SLC46A2: variants seen among roughly 807,000 people sequenced by gnomAD.
The protein encoded by SLC46A2 is thymic stromal co-transporter.
SLC46A2 carries 25 observed loss-of-function variants against 33.1 expected under a neutral mutation model. The observed-to-expected ratio is 0.76, with a 90% confidence interval of 0.55 to 1.06. The LOEUF is 1.06. Among genes scored for constraint, SLC46A2 ranks in the 50% least tolerant of loss-of-function variants. SLC46A2 has a pLI of 0.00. For synonymous variants in SLC46A2, 254 were observed against 275.9 expected, an observed-to-expected ratio of 0.92 and a Z score of 0.79; for missense variants, 622 against 621.7, an observed-to-expected ratio of 1.00 and a Z score of 0.00.
Position 112,879,703 on chromosome 9 carries a change from T to G in SLC46A2, c.*59A>C. 6.5e-7 allele frequency: 1 copy of G among 1,527,648 alleles called. No individual in the cohort carries two copies. The highest frequency in any genetic ancestry group is 2.3e-5 in the East Asian group (1 of 44,160). The allele number at this position is 1,527,648 out of a possible 1,614,324, so 94.6% of individuals were successfully genotyped here. ...AGGTCACCAGTTCCCTGGTCCCTTC[T>G]TTTGTCTTCTGGGGGCCTGGCCATG... On this transcript the variant is annotated 3_prime_UTR_variant, in exon 4 of 4. Transcript: ENST00000374228.
Position 112,889,798 on chromosome 9 carries a change from A to G in SLC46A2, c.884T>C (p.Leu295Pro), listed in dbSNP as rs747405802. The G allele has an allele frequency of 1.2e-6, 2 of 1,614,158 alleles. No homozygotes were observed. The highest frequency in any genetic ancestry group is 1.7e-6 in the Non-Finnish European group (2 of 1,180,020). Reference protein sequence around the residue: ...LLFVGAIIYDLAVVGTVDVIP... With the variant: ...LLFVGAIIYDPAVVGTVDVIP... ...CACGTCCACTGTGCCCACCACCGCC[A>G]GGTCATATATGATAGCACCCACAAA... Residue 295 changes from leucine (L) to proline (P), a missense_variant, in exon 1 of 4, where the codon CTG (leucine) becomes CCG (proline). Transcript: ENST00000374228.
chr9:112,888,974 G>T (rs550788522), intron 1 of SLC46A2, among the ~76,000 whole-genome samples: 1 of 149,692 alleles, frequency 6.7e-6, no homozygotes, highest in Non-Finnish European at 1.5e-5. Context: ...CACTACAACC[G>T]CTGCCTCTTG....
At chr9:112,887,189 G>A in intron 2 of SLC46A2, 141 bp downstream of exon 2, 1 of 719,572 alleles carries the variant, frequency 1.4e-6, no homozygotes, top group Non-Finnish European at 2.3e-6. Flanking sequence ...TCTGTGCCCT[G>A]GATGGAAACC....
intron 3 of SLC46A2, chr9:112,880,176 C>T: frequency 6.0e-6 from 1 of 166,518 alleles, no homozygotes; most frequent in Non-Finnish European, 1.3e-5. Context: ...ACTAAAAATA[C>T]AAAAATTAGC....
Position 112,889,563 on chromosome 9 carries a change from CAT to C in SLC46A2, c.1117_1118del (p.Met373ValfsTer84), listed in dbSNP as rs1564306525. 1 of 1,611,260 alleles carries C rather than the reference CAT, an allele frequency of 6.2e-7. No homozygotes were observed. Among genetic ancestry groups the C allele is most frequent in the South Asian group, 1.1e-5 (1 of 90,682 alleles). On this transcript the variant is annotated frameshift_variant, in exon 1 of 4. Transcript: ENST00000374228. LOFTEE classifies it high-confidence loss of function. Reference sequence around the variant, plus strand: ...GAATGACAGACTCACCAATATAGAACATGTATGTCTCTTTCACAAAAGCCAAG... The same window carrying C: ...GAATGACAGACTCACCAATATAGAACGTATGTCTCTTTCACAAAAGCCAAG... ...LLLAFVKETYMFYIARAVMLF... is the reference protein window; with the variant it reads ...LLLAFVKETYXFYIARAVMLF...
At chr9:112,879,901 A>C in intron 3 of SLC46A2, 82 bp from the exon 4 acceptor site, 1 of 1,350,096 alleles carries the variant, frequency 7.4e-7, no homozygotes, top group Non-Finnish European at 1.1e-6. Context: ...GGTTAATGAT[A>C]ATTACAAGCC....
intron 3 of SLC46A2, among the ~76,000 whole-genome samples, chr9:112,883,552 C>T (rs922861204): frequency 1.3e-5 from 2 of 151,688 alleles, no homozygotes; most frequent in African/African-American, 4.8e-5. Context: ...TAGTGCCTGG[C>T]ACATAGGGCT....
At chr9:112,885,161 A>G (rs537954873) in intron 3 of SLC46A2, 1 of 152,288 alleles carries the variant, frequency 6.6e-6, no homozygotes, top group East Asian at 1.9e-4. Flanking sequence ...CAATTATGAA[A>G]TAATGCAAAG....
chr9:112,882,774 TAGC>T (rs1231606220), intron 3 of SLC46A2, among the ~76,000 whole-genome samples: 1 of 152,124 alleles, frequency 6.6e-6, no homozygotes, highest in East Asian at 1.9e-4. Context: ...ACAGGAGTGT[TAGC>T]AGGCTTAGGA....
chr9:112,885,184 T>G (rs1004117607), intron 3 of SLC46A2: 6 of 152,174 alleles, frequency 3.9e-5, no homozygotes, highest in Non-Finnish European at 5.9e-5. Context: ...CCCTAATGAT[T>G]GACGGCTCTT....
intron 3 of SLC46A2, among the ~76,000 whole-genome samples, chr9:112,881,231 G>A (rs1377416981): frequency 6.6e-6 from 1 of 152,168 alleles, no homozygotes; most frequent in Non-Finnish European, 1.5e-5. Flanking sequence ...AGAATCCTCA[G>A]GTTCTAAGCT....
Position 112,890,514 on chromosome 9 carries a change from G to A in SLC46A2, c.168C>T (p.His56=), listed in dbSNP as rs1288139145. ...ASYGTGGSSN[H]SASPSPRGAL... ...CCCCCCGGGGCGATGGGCTGGCACT[G>A]TGGTTGGAGGAGCCTCCGGTTCCGT... The change falls in exon 1 of 4, where the codon CAC becomes CAT. Residue 56 remains histidine, a synonymous_variant. Transcript: ENST00000374228. The surrounding 1 kb of genome is among the most constrained non-coding windows in gnomAD (Gnocchi z 6.0). 4 of 1,614,012 alleles carry A rather than the reference G, an allele frequency of 2.5e-6. No homozygotes were observed. Among genetic ancestry groups the A allele is most frequent in the African/African-American group, 1.3e-5 (1 of 74,918 alleles).
chr9:112,886,404 C>T, intron 3 of SLC46A2, 56 bp downstream of exon 3: 1 of 1,588,884 alleles, frequency 6.3e-7, no homozygotes, highest in South Asian at 1.1e-5. Flanking sequence ...GTCCAACATT[C>T]CTTGACCTAA....
At chr9:112,884,513 A>G (rs901191140) in intron 3 of SLC46A2, among the ~76,000 whole-genome samples, 6 of 152,210 alleles carry the variant, frequency 3.9e-5, no homozygotes, top group Non-Finnish European at 7.3e-5. Flanking sequence ...GAGATTCTCA[A>G]TCTTGGTTGT....
rs755827609 is a variant in SLC46A2 at position 112,886,717 on chromosome 9, A to ACTCT, written c.1214-105_1214-102dup. On this transcript the variant is annotated intron_variant, in intron 2 of 3. Transcript: ENST00000374228. ...AGTTCTTAGGGGACCCTTCCTTCTT[A>ACTCT]CTCTCTCTCTCTCTCTCTTTTTTTA... The ACTCT allele has an allele frequency of 1.3e-3, 1,478 of 1,128,348 alleles. 2 individuals carry two copies. The highest frequency in any genetic ancestry group is 1.7e-3 in the Non-Finnish European group (1,320 of 795,916). 69.9% of individuals were successfully genotyped at this position (1,128,348 alleles called of 1,614,324 possible). A position where few individuals can be genotyped will look rare whatever the true frequency, so the allele number is the denominator to read the frequency against.
intron 3 of SLC46A2, chr9:112,881,648 C>T (rs1041723996): frequency 6.6e-6 from 1 of 152,248 alleles, no homozygotes; most frequent in Non-Finnish European, 1.5e-5. Flanking sequence ...ACAGGGCATG[C>T]ATTCATTAAA....
Position 112,887,353 on chromosome 9 carries a change from T to C in SLC46A2, c.1190A>G (p.Lys397Arg), listed in dbSNP as rs746661395. ...ACCATAAGAGGAGCCCTTTATGAGT[T>C]TGGACATAGCTGATCGGATGGTTGT... ...PVTTIRSAMS[K>R]LIKGSSYGKV... The change falls in exon 2 of 4, where the codon AAA becomes AGA. Residue 397 changes from lysine (K) to arginine (R), a missense_variant. By Grantham distance (26) the Lys-to-Arg change is conservative. Coordinates refer to ENST00000374228, the MANE Select transcript of SLC46A2 (RefSeq NM_033051.4). The C allele has an allele frequency of 5.0e-6, 8 of 1,612,002 alleles. No homozygotes were observed. Among genetic ancestry groups the C allele is most frequent in the South Asian group, 2.2e-5 (2 of 90,712 alleles).
chr9:112,880,628 G>A (rs989890909), intron 3 of SLC46A2, among the ~76,000 whole-genome samples: 5 of 152,160 alleles, frequency 3.3e-5, no homozygotes, highest in African/African-American at 1.2e-4. Flanking sequence ...CCATCTCCTT[G>A]TTCAGGTGCT....
At chr9:112,880,071 C>A in intron 3 of SLC46A2, 1 of 370,386 alleles carries the variant, frequency 2.7e-6, no homozygotes, top group Non-Finnish European at 5.0e-6. Context: ...TGGCTTATGC[C>A]TGTAATCCCA....
Sources: allele counts gnomAD v4.1 joint callset (sites outside exome capture counted in the v4.1 genomes callset), GRCh38; gene constraint gnomAD v4.1.1; non-coding constraint Gnocchi (gnomAD v3.1); transcripts MANE v1.5; gene names NCBI Gene and HGNC (gene_info 2026-07-23, HGNC 2026-07-21).